IQGAP2: variants seen among roughly 807,000 people sequenced by gnomAD.
IQGAP2 encodes ras GTPase-activating-like protein IQGAP2.
In IQGAP2, 173 loss-of-function variants were observed where a neutral mutation model predicts 201.3. The ratio of observed to expected loss-of-function variants is 0.86; its 90% CI spans 0.76 to 0.98. The LOEUF (loss-of-function observed/expected upper bound fraction) is 0.98. IQGAP2 is among the 50% of genes least tolerant of loss of function. The probability of loss-of-function intolerance (pLI) is 0.00; values close to 1 mark genes in which losing one functional copy is unlikely to be tolerated. For synonymous variants in IQGAP2, 675 were observed against 673.9 expected (o/e 1.00, Z -0.03); for missense variants, 1,687 against 1,864.8 (o/e 0.90, Z 1.76).
At chr5:76,503,262 C>G (rs530793161) in intron 2 of IQGAP2, among the ~76,000 whole-genome samples, 1 of 149,808 alleles carries the variant, frequency 6.7e-6, no homozygotes, top group Non-Finnish European at 1.5e-5. Context: ...CAACCTCCCC[C>G]TCCCGGGTTC....
chr5:76,538,919 C>T (rs898254148), intron 2 of IQGAP2, among the ~76,000 whole-genome samples: 4 of 152,164 alleles, frequency 2.6e-5, no homozygotes, highest in African/African-American at 9.7e-5. Flanking sequence ...AAGTGCCTCT[C>T]GTAGCCTGCT....
chr5:76,506,223 G>A (rs943667479), intron 2 of IQGAP2, among the ~76,000 whole-genome samples: 6 of 152,124 alleles, frequency 3.9e-5, no homozygotes, highest in African/African-American at 1.2e-4. Context: ...AAAGTAACCC[G>A]AGAGAGCTAC....
At chr5:76,422,186 C>T (rs1311595981) in intron 1 of IQGAP2, among the ~76,000 whole-genome samples, 1 of 152,126 alleles carries the variant, frequency 6.6e-6, no homozygotes, top group East Asian at 1.9e-4. Flanking sequence ...AATGGTGGTG[C>T]TTAACTGGAG....
intron 17 of IQGAP2, among the ~76,000 whole-genome samples, chr5:76,652,497 A>G (rs1286824016): frequency 1.3e-5 from 2 of 152,148 alleles, no homozygotes; most frequent in South Asian, 2.1e-4. Flanking sequence ...TCCAGCAGGA[A>G]CTGTGCTTCT....
chr5:76,549,144 A>T (rs137997546), intron 2 of IQGAP2, among the ~76,000 whole-genome samples: 143 of 152,306 alleles, frequency 9.4e-4, no homozygotes, highest in African/African-American at 3.4e-3. Context: ...CATGAAAGGT[A>T]CCTACTATAT....
chr5:76,602,665 T>C (rs967540768), intron 11 of IQGAP2, among the ~76,000 whole-genome samples: 5 of 152,186 alleles, frequency 3.3e-5, no homozygotes, highest in Non-Finnish European at 7.3e-5. Context: ...TGGGTTCTTG[T>C]ATTGACACTT....
At chr5:76,686,535 C>T (rs761943447) in intron 30 of IQGAP2, among the ~76,000 whole-genome samples, 3 of 151,914 alleles carry the variant, frequency 2.0e-5, no homozygotes, top group Non-Finnish European at 2.9e-5. Context: ...TTTGAGACAG[C>T]GTCTCGCTCT....
At chr5:76,429,582 T>TTATATATATATATATATATATTTATA (rs70982604) in intron 1 of IQGAP2, among the ~76,000 whole-genome samples, 2 of 120,714 alleles carry the variant, frequency 1.7e-5, no homozygotes, top group African/African-American at 5.5e-5. Context: ...AAAAAAAAAT[T>TTATATATATATATATATATATTTATA]TATATATATA....
At chr5:76,471,364 C>CAAAAAAAAAAAAAAAAAAA (rs59781605) in intron 2 of IQGAP2, among the ~76,000 whole-genome samples, 1 of 72,534 alleles carries the variant, frequency 1.4e-5, no homozygotes, top group Non-Finnish European at 2.8e-5. Flanking sequence ...ATAAACTAAG[C>CAAAAAAAAAAAAAAAAAAA]AAAAAAAAAA....
At chr5:76,518,462 G>T (rs1055290430) in intron 2 of IQGAP2, among the ~76,000 whole-genome samples, 5 of 152,138 alleles carry the variant, frequency 3.3e-5, no homozygotes, top group Non-Finnish European at 7.4e-5. Flanking sequence ...GCACAGGAAA[G>T]ACTTGCCCCC....
chr5:76,529,372 G>C (rs1475780297), intron 2 of IQGAP2, among the ~76,000 whole-genome samples: 1 of 152,142 alleles, frequency 6.6e-6, no homozygotes, highest in East Asian at 1.9e-4. Flanking sequence ...GCTCATGCCT[G>C]TAATCCCAGC....
chr5:76,621,921 G>A (rs1468900707), intron 13 of IQGAP2, among the ~76,000 whole-genome samples: 1 of 152,186 alleles, frequency 6.6e-6, no homozygotes, highest in East Asian at 1.9e-4. Context: ...CCAAGGGAGA[G>A]AATACAGTCA....
chr5:76,511,325 A>G (rs989994542), intron 2 of IQGAP2, among the ~76,000 whole-genome samples: 1 of 152,178 alleles, frequency 6.6e-6, no homozygotes, highest in African/African-American at 2.4e-5. Context: ...GATGGCTGCC[A>G]TGTCTCCAAG....
At position 76,702,673 on chromosome 5, in the gene IQGAP2, A is replaced by G. The variant is rs1014731595; in HGVS notation, c.4614+83A>G. Reference sequence around the variant, plus strand: ...GCTACCCTGGCTCTCTCTCTTCAGGACAACAATAAAGTTTAACAGAAAACC... The same window carrying G: ...GCTACCCTGGCTCTCTCTCTTCAGGGCAACAATAAAGTTTAACAGAAAACC... On this transcript the variant is annotated intron_variant, in intron 35 of 35. Coordinates refer to ENST00000274364, the MANE Select transcript of IQGAP2 (RefSeq NM_006633.5). 4.1e-6 allele frequency: 3 copies of G among 725,152 alleles called. No individual in the cohort carries two copies. In the African/African-American group the frequency reaches 5.3e-5, roughly 13 times the overall value. 44.9% of individuals were successfully genotyped at this position (725,152 alleles called of 1,614,324 possible).
chr5:76,661,079 A>G (rs1385125399), intron 21 of IQGAP2, among the ~76,000 whole-genome samples: 1 of 152,188 alleles, frequency 6.6e-6, no homozygotes, highest in African/African-American at 2.4e-5. Context: ...GTGATAGTTA[A>G]GTTTATCTTC....
intron 17 of IQGAP2, among the ~76,000 whole-genome samples, chr5:76,642,658 A>G (rs1751682836): frequency 6.6e-6 from 1 of 152,178 alleles, no homozygotes. Context: ...TCAAGTAGGA[A>G]AATGTTCTGA....
intron 2 of IQGAP2, among the ~76,000 whole-genome samples, chr5:76,498,906 C>A (rs1184083585): frequency 1.3e-5 from 2 of 152,184 alleles, no homozygotes; most frequent in Non-Finnish European, 2.9e-5. Context: ...GTGCCCCCAA[C>A]AGGAGAGTTG....
intron 2 of IQGAP2, among the ~76,000 whole-genome samples, chr5:76,465,157 A>G (rs1028823903): frequency 6.6e-6 from 1 of 152,220 alleles, no homozygotes; most frequent in African/African-American, 2.4e-5. Flanking sequence ...ACAAATGCAA[A>G]AATCCTTAGC....
rs564564220 is a variant in IQGAP2, at chr5:76,670,763, G to A, written c.2844-996G>A. 2.6e-5 allele frequency among the ~76,000 whole-genome samples: 4 copies of A among 152,326 alleles called. No homozygotes were observed. The Middle Eastern group carries it at 0.01, about 389-fold the overall frequency. On this transcript the variant is annotated intron_variant, in intron 23 of 35. Coordinates refer to ENST00000274364, the MANE Select transcript of IQGAP2 (RefSeq NM_006633.5). Reference sequence around the variant, plus strand: ...TGACGTGGCTAGAAGCTGTATTGCAGCTTTGAGTGGGATTTGAAAAAGTGA... The same window carrying A: ...TGACGTGGCTAGAAGCTGTATTGCAACTTTGAGTGGGATTTGAAAAAGTGA...
Sources: gnomAD v4.1 joint callset for allele counts (sites outside exome capture counted in the v4.1 genomes callset) on GRCh38, gnomAD v4.1.1 for gene constraint, MANE v1.5 for transcripts, NCBI Gene and HGNC (gene_info 2026-07-23, HGNC 2026-07-21) for gene names.